Variants in ARHGEF10L observed in about 807,000 individuals in gnomAD.
ARHGEF10L encodes the protein Rho guanine nucleotide exchange factor 10 like.
A neutral mutation model predicts 141.2 loss-of-function variants in ARHGEF10L; 69 were observed. That is an observed-to-expected ratio of 0.49 (90% CI 0.40 to 0.60). The LOEUF is 0.60. Ranked by LOEUF, ARHGEF10L falls within the 20% of genes least tolerant of loss-of-function variation. The pLI is 0.00. For synonymous variants in ARHGEF10L, 711 were observed against 718.5 expected (o/e 0.99, Z 0.17); for missense variants, 1,482 against 1,734.3 (o/e 0.85, Z 2.58).
chr1:17,692,590 G>A (rs899395193), intron 27 of ARHGEF10L, among the ~76,000 whole-genome samples: 2 of 152,100 alleles, frequency 1.3e-5, no homozygotes, highest in African/African-American at 2.4e-5. Context: ...AACAGGTTGG[G>A]CTCTCCTCAC....
intron 1 of ARHGEF10L, among the ~76,000 whole-genome samples, chr1:17,576,055 T>C (rs1359517): frequency 0.96 from 145,680 of 152,226 alleles, 69,741 homozygotes; most frequent in East Asian, 1. Flanking sequence ...GGCCGGCCTT[T>C]CCTGTCCTCA....
At chr1:17,678,482 T>G (rs531547648) in intron 26 of ARHGEF10L, among the ~76,000 whole-genome samples, 3 of 149,226 alleles carry the variant, frequency 2.0e-5, no homozygotes, top group South Asian at 4.3e-4. Context: ...TGCAATGGCG[T>G]GATCTCGGCT....
intron 1 of ARHGEF10L, among the ~76,000 whole-genome samples, chr1:17,568,367 G>A (rs1373234511): frequency 2.0e-5 from 3 of 152,198 alleles, no homozygotes; most frequent in African/African-American, 7.2e-5. Context: ...GAGGAAACCA[G>A]GGATCGGAGC....
At chr1:17,522,690 C>A in the ARHGEF10L span, among the ~76,000 whole-genome samples, 2 of 152,156 alleles carry the variant, frequency 1.3e-5, no homozygotes, top group Admixed American at 1.3e-4. Flanking sequence ...CAAAGGCTTG[C>A]TCTGAGTGTG....
intron 26 of ARHGEF10L, among the ~76,000 whole-genome samples, chr1:17,680,310 GC>G (rs1247067443): frequency 1.3e-5 from 2 of 152,332 alleles, no homozygotes; most frequent in African/African-American, 4.8e-5. Flanking sequence ...GAGCCTTCCG[GC>G]CCCTTGGCGA....
At chr1:17,611,213 C>T (rs1337731665) in intron 7 of ARHGEF10L, among the ~76,000 whole-genome samples, 1 of 152,182 alleles carries the variant, frequency 6.6e-6, no homozygotes, top group African/African-American at 2.4e-5. Context: ...GGCCCAGGGG[C>T]TTTATGGTTT....
At chr1:17,690,463 C>T (rs574594417) in intron 27 of ARHGEF10L, among the ~76,000 whole-genome samples, 7 of 152,260 alleles carry the variant, frequency 4.6e-5, no homozygotes, top group African/African-American at 1.2e-4. Context: ...ATCGTCTTTA[C>T]GGCATACCCG....
chr1:17,545,245 T>C (rs2100651885), intron 1 of ARHGEF10L, among the ~76,000 whole-genome samples: 1 of 152,264 alleles, frequency 6.6e-6, no homozygotes. Flanking sequence ...CAAATCAGAA[T>C]CTTTTCCCCT....
chr1:17,669,071 G>A (rs2063157593), intron 26 of ARHGEF10L, among the ~76,000 whole-genome samples: 1 of 152,212 alleles, frequency 6.6e-6, no homozygotes, highest in Non-Finnish European at 1.5e-5. Context: ...TGTGCCTCGC[G>A]TGTGATGTCT....
In ARHGEF10L at chr1:17,664,520, G is replaced by C. The variant is rs767480143; in HGVS notation, c.2934G>C (p.Leu978Phe). 9 of 1,608,432 alleles carry C rather than the reference G, an allele frequency of 5.6e-6. No homozygotes were observed. Among genetic ancestry groups the C allele is most frequent in the African/African-American group, 1.3e-5 (1 of 74,940 alleles). The change falls in exon 26 of 29, where the codon TTG (leucine) becomes TTC (phenylalanine). Residue 978 changes from leucine to phenylalanine, a missense_variant. Coordinates refer to ENST00000361221, the MANE Select transcript of ARHGEF10L (RefSeq NM_018125.4). ...GGCCCGGGCCTGTCCGCACCCTGTT[G>C]AGCCTGGAGGATGCCGTGTGGGCCA... Reference protein sequence around the residue: ...TVGPGPVRTLLSLEDAVWASC... With the variant: ...TVGPGPVRTLFSLEDAVWASC...
chr1:17,651,371 C>A (rs937845677), intron 22 of ARHGEF10L, among the ~76,000 whole-genome samples: 2 of 152,096 alleles, frequency 1.3e-5, no homozygotes, highest in Admixed American at 1.3e-4. Flanking sequence ...CTGGAGGCAG[C>A]GACCATGGAG....
intron 21 of ARHGEF10L, among the ~76,000 whole-genome samples, chr1:17,641,689 G>A (rs2101846312): frequency 6.6e-6 from 1 of 151,296 alleles, no homozygotes; most frequent in Non-Finnish European, 1.5e-5. Flanking sequence ...AAAGAAGTCA[G>A]GACCTTTGGC....
rs2059993064 is a variant in ARHGEF10L, at chr1:17,619,537, C to T, written c.942+92C>T. ...TCTCTGGGGCCACGCTTGTCTGGAT[C>T]TCACAGGGGATATGATGACTGGGGG... On this transcript the variant is annotated intron_variant, in intron 10 of 28. Transcript: ENST00000361221. The surrounding 1 kb of genome is among the most constrained non-coding windows in gnomAD (Gnocchi z 5.0). The T allele has an allele frequency of 3.9e-6, 4 of 1,031,698 alleles. No individual in the cohort carries two copies. The highest frequency in any genetic ancestry group is 5.6e-6 in the Non-Finnish European group (4 of 714,092). The allele number at this position is 1,031,698 out of a possible 1,614,324, so 63.9% of individuals were successfully genotyped here. A position where few individuals can be genotyped will look rare whatever the true frequency, so the allele number is the denominator to read the frequency against.
At chr1:17,684,763 G>C (rs1331531188) in intron 26 of ARHGEF10L, among the ~76,000 whole-genome samples, 2 of 152,186 alleles carry the variant, frequency 1.3e-5, no homozygotes, top group Non-Finnish European at 2.9e-5. Flanking sequence ...GGGGTGGGCT[G>C]TGCAGTAGAA....
At chr1:17,687,246 T>C (rs754440987) in intron 26 of ARHGEF10L, among the ~76,000 whole-genome samples, 11 of 152,222 alleles carry the variant, frequency 7.2e-5, no homozygotes, top group Admixed American at 2.6e-4. Context: ...TGAGTGAGCG[T>C]GTGCATGTCT....
intron 1 of ARHGEF10L, among the ~76,000 whole-genome samples, chr1:17,552,895 C>T (rs2077168879): frequency 6.6e-6 from 1 of 152,208 alleles, no homozygotes; most frequent in African/African-American, 2.4e-5. Context: ...CCTGAAATCC[C>T]TGTGGTCCCC....
Position 17,607,674 on chromosome 1 carries a change from C to A in ARHGEF10L, c.434-128C>A. The A allele has an allele frequency of 1.1e-6, 1 of 897,996 alleles. No individual in the cohort carries two copies. Among genetic ancestry groups the A allele is most frequent in the Non-Finnish European group, 1.6e-6 (1 of 641,988 alleles). 55.6% of individuals were successfully genotyped at this position (897,996 alleles called of 1,614,324 possible). A position where few individuals can be genotyped will look rare whatever the true frequency, so the allele number is the denominator to read the frequency against. Reference sequence around the variant, plus strand: ...CATGGTTGAGGAGGTAGAGCTGGAGCCCCAGGGCCCCCATGTTCTCCCTGA... The same window carrying A: ...CATGGTTGAGGAGGTAGAGCTGGAGACCCAGGGCCCCCATGTTCTCCCTGA... On this transcript the variant is annotated intron_variant, in intron 6 of 28. Coordinates refer to ENST00000361221, the MANE Select transcript of ARHGEF10L (RefSeq NM_018125.4). The surrounding 1 kb of genome is among the most constrained non-coding windows in gnomAD (Gnocchi z 4.5).
the ARHGEF10L span, among the ~76,000 whole-genome samples, chr1:17,525,701 A>G: frequency 6.6e-6 from 1 of 151,584 alleles, no homozygotes; most frequent in Non-Finnish European, 1.5e-5. Flanking sequence ...TCTTTTAATA[A>G]TTTTTTTTTA....
At chr1:17,544,076 T>C (rs1343866050) in intron 1 of ARHGEF10L, among the ~76,000 whole-genome samples, 1 of 149,170 alleles carries the variant, frequency 6.7e-6, no homozygotes, top group Non-Finnish European at 1.5e-5. Flanking sequence ...CCTCTGGGAT[T>C]ACAGTAGCTG....
Sources: gnomAD v4.1 joint callset for allele counts (sites outside exome capture counted in the v4.1 genomes callset) on GRCh38, gnomAD v4.1.1 for gene constraint, Gnocchi (gnomAD v3.1) non-coding constraint, MANE v1.5 for transcripts, NCBI Gene and HGNC (gene_info 2026-07-23, HGNC 2026-07-21) for gene names.